The following GULP1 variants were observed in gnomAD, a reference collection of about 807,000 sequenced individuals.
The protein encoded by GULP1 is GULP PTB domain containing engulfment adaptor 1, also known as PTB domain-containing engulfment adapter protein 1.
A neutral mutation model predicts 40.9 loss-of-function variants in GULP1; 19 were observed. The observed-to-expected ratio is 0.46, with a 90% CI of 0.32 to 0.68. The LOEUF (loss-of-function observed/expected upper bound fraction) is 0.68. Among genes scored for constraint, GULP1 ranks in the 30% least tolerant of loss-of-function variants. The pLI is 0.03. For missense variants in GULP1, 312 were observed against 362.2 expected (o/e 0.86, Z 1.12); for synonymous variants, 119 against 117.6 (o/e 1.01, Z -0.08).
chr2:188,454,530 G>A (rs1227265429), intron 2 of GULP1, among the ~76,000 whole-genome samples: 2 of 152,202 alleles, frequency 1.3e-5, no homozygotes, highest in South Asian at 4.1e-4. Context: ...ATTTACCCAG[G>A]ACAGCCTTTG....
intron 1 of GULP1, among the ~76,000 whole-genome samples, chr2:188,326,030 G>A (rs549173361): frequency 1.3e-5 from 2 of 152,036 alleles, no homozygotes; most frequent in South Asian, 4.2e-4. Context: ...TACTTTCTTT[G>A]CAGTATTCTA....
intron 4 of GULP1, among the ~76,000 whole-genome samples, chr2:188,486,457 A>G (rs2061869614): frequency 6.6e-6 from 1 of 152,018 alleles, no homozygotes; most frequent in African/African-American, 2.4e-5. Context: ...CACTGGTTAC[A>G]AATTAATCTG....
chr2:188,328,329 A>G (rs1174749087), intron 1 of GULP1, among the ~76,000 whole-genome samples: 1 of 152,124 alleles, frequency 6.6e-6, no homozygotes, highest in Non-Finnish European at 1.5e-5. Flanking sequence ...AAATGAAGAC[A>G]GTCAGGGATC....
rs148569321 is a variant in GULP1, at chr2:188,574,938, A to G, written c.609+4818A>G. 9.2e-3 allele frequency among the ~76,000 whole-genome samples: 1,395 copies of G among 152,272 alleles called. 12 individuals are homozygous for G. Among genetic ancestry groups the G allele is most frequent in the Non-Finnish European group, 0.011 (729 of 68,022 alleles). ...TCTGTTTAGGTGAGAACATACGTGC[A>G]TGTTTCTACTTTCCTCAGAGACACT... On this transcript the variant is annotated intron_variant, in intron 9 of 11. Coordinates refer to ENST00000409830, the MANE Select transcript of GULP1 (RefSeq NM_016315.4).
intron 2 of GULP1, among the ~76,000 whole-genome samples, chr2:188,410,456 T>C (rs1197943734): frequency 6.6e-6 from 1 of 151,928 alleles, no homozygotes; most frequent in Non-Finnish European, 1.5e-5. Flanking sequence ...TGATAAGGGG[T>C]TAATAGCCAA....
At position 188,513,398 on chromosome 2, in the gene GULP1, T is replaced by G. The variant is rs542852575; in HGVS notation, c.91-9358T>G. Among the ~76,000 whole-genome samples the G allele has an allele frequency of 2.6e-5, 4 of 152,182 alleles. No homozygotes were observed. In the East Asian group the frequency reaches 7.7e-4, roughly 29 times the overall value. ...TGTTTTAATCTCAAAGTTCAATATA[T>G]GTAGATACAATCACTTATACCTGCA... On this transcript the variant is annotated intron_variant, in intron 4 of 11. Coordinates refer to ENST00000409830, the MANE Select transcript of GULP1 (RefSeq NM_016315.4).
At chr2:188,490,829 G>T (rs991450334) in intron 4 of GULP1, among the ~76,000 whole-genome samples, 4 of 151,848 alleles carry the variant, frequency 2.6e-5, no homozygotes, top group African/African-American at 9.7e-5. Flanking sequence ...TTTCAGAGAG[G>T]GTCTTACTGT....
chr2:188,591,658 T>C (rs182424555), intron 11 of GULP1: 1 of 151,722 alleles, frequency 6.6e-6, no homozygotes, highest in East Asian at 1.9e-4. Context: ...AAGAGGAAGA[T>C]AGAAAACTAT....
At chr2:188,446,089 T>C (rs1231703287) in intron 2 of GULP1, among the ~76,000 whole-genome samples, 2 of 152,150 alleles carry the variant, frequency 1.3e-5, no homozygotes, top group Non-Finnish European at 2.9e-5. Context: ...TTTCCCTACT[T>C]TTTGAGGGAG....
chr2:188,591,028 A>G (rs1440108318), intron 11 of GULP1: 1 of 152,212 alleles, frequency 6.6e-6, no homozygotes, highest in South Asian at 2.1e-4. Flanking sequence ...ATAGTATCCA[A>G]TTTTTTAAAA....
At chr2:188,488,033 A>G (rs1258200394) in intron 4 of GULP1, among the ~76,000 whole-genome samples, 2 of 152,078 alleles carry the variant, frequency 1.3e-5, no homozygotes, top group Non-Finnish European at 2.9e-5. Context: ...CAGATGTGAC[A>G]GTAAGATATT....
chr2:188,417,489 G>A (rs1394649132), intron 2 of GULP1, among the ~76,000 whole-genome samples: 1 of 152,122 alleles, frequency 6.6e-6, no homozygotes, highest in African/African-American at 2.4e-5. Context: ...ATTCGAATTA[G>A]ATAAAAACAG....
intron 4 of GULP1, among the ~76,000 whole-genome samples, chr2:188,493,809 A>T (rs1219151366): frequency 6.6e-6 from 1 of 152,022 alleles, no homozygotes; most frequent in African/African-American, 2.4e-5. Context: ...CTCTAGGCCA[A>T]CTTGATTCAG....
chr2:188,374,902 T>A (rs921241968), intron 1 of GULP1, among the ~76,000 whole-genome samples: 1 of 152,098 alleles, frequency 6.6e-6, no homozygotes, highest in Non-Finnish European at 1.5e-5. Context: ...ATGCACACTG[T>A]TATGTGAAAA....
At chr2:188,434,628 T>A (rs2057235843) in intron 2 of GULP1, among the ~76,000 whole-genome samples, 1 of 151,720 alleles carries the variant, frequency 6.6e-6, no homozygotes, top group Admixed American at 6.6e-5. Context: ...TTGTTTTTTT[T>A]ATAGTGCTAC....
At chr2:188,511,222 A>G (rs191894723) in intron 4 of GULP1, among the ~76,000 whole-genome samples, 13 of 152,318 alleles carry the variant, frequency 8.5e-5, no homozygotes, top group Admixed American at 8.5e-4. Flanking sequence ...CGCTCTCACA[A>G]TAGAAACATT....
At chr2:188,585,583 C>T (rs369741499) in intron 10 of GULP1, among the ~76,000 whole-genome samples, 79 of 152,332 alleles carry the variant, frequency 5.2e-4, no homozygotes, top group African/African-American at 1.8e-3. Context: ...AGGCTTAGGG[C>T]TTTTACCCCA....
At chr2:188,366,457 A>G (rs1386390274) in intron 1 of GULP1, among the ~76,000 whole-genome samples, 4 of 152,270 alleles carry the variant, frequency 2.6e-5, no homozygotes, top group South Asian at 2.1e-4. Context: ...ACTGCCCAGT[A>G]TAGCATCTAT....
intron 1 of GULP1, among the ~76,000 whole-genome samples, chr2:188,320,169 C>T (rs1324024881): frequency 6.6e-6 from 1 of 152,078 alleles, no homozygotes; most frequent in African/African-American, 2.4e-5. Context: ...CAGCTGATGC[C>T]AAATGTCCCC....
Sources: allele counts gnomAD v4.1 joint callset (sites outside exome capture counted in the v4.1 genomes callset), GRCh38; gene constraint gnomAD v4.1.1; transcripts MANE v1.5; gene names NCBI Gene and HGNC (gene_info 2026-07-23, HGNC 2026-07-21).